The following GPM6B variants were observed in gnomAD, a reference collection of about 807,000 sequenced individuals.
GPM6B encodes the protein neuronal membrane glycoprotein M6-b.
A neutral mutation model predicts 27.2 loss-of-function variants in GPM6B; 4 were observed. The ratio of observed to expected loss-of-function variants is 0.15; its 90% confidence interval spans 0.07 to 0.34. The LOEUF (loss-of-function observed/expected upper bound fraction) is 0.34. Ranked by LOEUF, GPM6B falls within the 10% of genes least tolerant of loss-of-function variation. GPM6B has a pLI of 1.00. For synonymous variants in GPM6B, 124 were observed against 103.1 expected (o/e 1.20, Z -1.23); for missense variants, 183 against 261.9 (o/e 0.70, Z 2.08).
At chrX:13,877,819 T>C (rs2050051854) in intron 1 of GPM6B, among the ~76,000 whole-genome samples, 1 of 26,689 alleles carries the variant, frequency 3.7e-5, no homozygotes, top group Non-Finnish European at 5.3e-5. Flanking sequence ...AGAGCCAGAC[T>C]CTGCCAAAAA....
chrX:13,864,081 C>T (rs1175123731), intron 1 of GPM6B, among the ~76,000 whole-genome samples: 4 of 111,877 alleles, frequency 3.6e-5, no homozygotes, highest in Non-Finnish European at 7.5e-5. Flanking sequence ...ACAGATTGAA[C>T]CAACAGAGTA....
upstream of GPM6B, chrX:13,817,450 G>C (rs969855388): frequency 3.7e-6 from 2 of 542,827 alleles, no homozygotes; most frequent in African/African-American, 5.1e-5. Context: ...CTCCCACCAC[G>C]TGACTTTGTT....
At chrX:13,836,369 T>G (rs1369065995) in intron 1 of GPM6B, among the ~76,000 whole-genome samples, 3 of 112,085 alleles carry the variant, frequency 2.7e-5, no homozygotes, top group Non-Finnish European at 3.8e-5. Context: ...AGAGGCTTAA[T>G]CATTTAATAC....
At position 13,810,143 on chromosome X, in the gene GPM6B, A is replaced by C. The variant is rs6629384; in HGVS notation, c.62-2374T>G. 1.1e-3 allele frequency among the ~76,000 whole-genome samples: 117 copies of C among 110,948 alleles called. 4 individuals are homozygous for C. In the East Asian group the frequency reaches 0.018, roughly 17 times the overall value. On this transcript the variant is annotated intron_variant, in intron 1 of 7. Transcript: ENST00000316715. ...AAAAAAAGAAAGAAAAAAAACCCCC[A>C]AAAAACAGATTTAGATTTTTGCTTT...
chrX:13,853,331 C>G (rs2049741333), intron 1 of GPM6B, among the ~76,000 whole-genome samples: 1 of 110,699 alleles, frequency 9.0e-6, no homozygotes, highest in African/African-American at 3.3e-5. Flanking sequence ...AAGCTGGGCA[C>G]AGTGGCTCAT....
At chrX:13,931,471 G>C (rs977181301) in intron 1 of GPM6B, among the ~76,000 whole-genome samples, 14 of 108,577 alleles carry the variant, frequency 1.3e-4, no homozygotes, top group African/African-American at 3.7e-4. Flanking sequence ...CTGGGCTACA[G>C]AGTGAGACTC....
chrX:13,862,755 C>T (rs752283260), intron 1 of GPM6B, among the ~76,000 whole-genome samples: 2 of 111,491 alleles, frequency 1.8e-5, no homozygotes, highest in African/African-American at 3.3e-5. Context: ...GGCACAATCA[C>T]GGCTCACTAC....
chrX:13,807,674 T>C lies in GPM6B; in HGVS notation c.157A>G (p.Arg53Gly). The change falls in exon 2 of 8, where the codon AGG (arginine) becomes GGG (glycine). Residue 53 changes from arginine (R) to glycine (G), a missense_variant. Coordinates refer to ENST00000316715, the MANE Select transcript of GPM6B (RefSeq NM_001001995.3). ...QYHPVPTLGD[R>G]ASPLSSPGCF... ...CCTGGACTGCTCAAGGGGCTAGCCC[T>C]GTCCCCCAGGGTTGGCACGGGATGG... The C allele has an allele frequency of 8.3e-7, 1 of 1,203,798 alleles. No individual in the cohort carries two copies. The highest frequency in any genetic ancestry group is 1.1e-6 in the Non-Finnish European group (1 of 889,362).
chrX:13,862,619 G>A (rs958725833), intron 1 of GPM6B, among the ~76,000 whole-genome samples: 7 of 112,289 alleles, frequency 6.2e-5, no homozygotes, highest in Non-Finnish European at 1.3e-4. Context: ...AATGAGAAAA[G>A]TATTATGAAT....
intron 1 of GPM6B, among the ~76,000 whole-genome samples, chrX:13,890,150 A>G (rs1195881944): frequency 9.0e-6 from 1 of 111,311 alleles, no homozygotes; most frequent in Non-Finnish European, 1.9e-5. Context: ...CTTGCTGATA[A>G]AACAGGTTGC....
chrX:13,813,883 C>T (rs1174452014), intron 1 of GPM6B, among the ~76,000 whole-genome samples: 2 of 112,423 alleles, frequency 1.8e-5, no homozygotes. Context: ...GCATTTCTTA[C>T]ATCCATCTAA....
chrX:13,807,770 C>A lies in GPM6B; in HGVS notation c.62-1G>T. The A allele has an allele frequency of 8.4e-7, 1 of 1,195,943 alleles. No homozygotes were observed. On this transcript the variant is annotated splice_acceptor_variant, in intron 1 of 7. Coordinates refer to ENST00000316715, the MANE Select transcript of GPM6B (RefSeq NM_001001995.3). LOFTEE classifies it high-confidence loss of function. ...ATTTCCATTTCAGCTCTGCTGTTCA[C>A]TGCCAATTTCAGGTGGCAAAGAGTC...
At chrX:13,783,835 G>A (rs1460066078) in intron 3 of GPM6B, 1 of 377,931 alleles carries the variant, frequency 2.6e-6, no homozygotes, top group Admixed American at 3.0e-5. Context: ...TAAAACACAG[G>A]CATTGAGGAG....
At chrX:13,878,750 T>A (rs1466959269) in intron 1 of GPM6B, among the ~76,000 whole-genome samples, 1 of 111,902 alleles carries the variant, frequency 8.9e-6, no homozygotes, top group East Asian at 2.8e-4. Flanking sequence ...CCAAAGATTA[T>A]CCTGAATCAT....
At chrX:13,859,935 T>C (rs1277351511) in intron 1 of GPM6B, among the ~76,000 whole-genome samples, 3 of 112,018 alleles carry the variant, frequency 2.7e-5, no homozygotes, top group Non-Finnish European at 5.6e-5. Flanking sequence ...CACTAATGTA[T>C]GCCTGTCAGT....
At chrX:13,839,978 G>A (rs370901244) in intron 1 of GPM6B, among the ~76,000 whole-genome samples, 1 of 111,429 alleles carries the variant, frequency 9.0e-6, no homozygotes, top group East Asian at 2.8e-4. Flanking sequence ...ATAAATGGAC[G>A]TACATGGATT....
Position 13,827,931 on chromosome X carries a change from A to G in GPM6B, c.-197-42123T>C, listed in dbSNP as rs181870008. Among the ~76,000 whole-genome samples the G allele has an allele frequency of 6.0e-4, 67 of 111,214 alleles. 1 individual carries two copies. The highest frequency in any genetic ancestry group is 3.4e-3 in the Admixed American group (36 of 10,493). ...GTCATCTTTCCCTGAAATAGAGTCA[A>G]TGTGTGGATTAATGAGTTTCTACCT... On this transcript the variant is annotated intron_variant, in intron 1 of 6. Coordinates refer to the GPM6B transcript ENST00000398361.
intron 1 of GPM6B, among the ~76,000 whole-genome samples, chrX:13,809,991 G>A (rs1252352433): frequency 2.9e-5 from 3 of 103,925 alleles, no homozygotes; most frequent in African/African-American, 1.1e-4. Flanking sequence ...GGTGGCATAC[G>A]CCTATAGTCC....
At chrX:13,835,697 A>G (rs1490685474) in intron 1 of GPM6B, among the ~76,000 whole-genome samples, 1 of 112,418 alleles carries the variant, frequency 8.9e-6, no homozygotes, top group Non-Finnish European at 1.9e-5. Context: ...AGCTAGTCTT[A>G]CGTGTACCTT....
Sources: allele counts gnomAD v4.1 joint callset (sites outside exome capture counted in the v4.1 genomes callset), GRCh38; gene constraint gnomAD v4.1.1; transcripts MANE v1.5; gene names NCBI Gene and HGNC (gene_info 2026-07-23, HGNC 2026-07-21).